The following FAM184A variants were observed in gnomAD, a reference collection of about 807,000 sequenced individuals.
FAM184A encodes the protein family with sequence similarity 184 member A, also known as protein FAM184A.
Under a neutral mutation model 143.8 loss-of-function variants are expected in FAM184A, and 99 were observed. The ratio of observed to expected loss-of-function variants is 0.69; its 90% CI spans 0.58 to 0.81. The LOEUF (loss-of-function observed/expected upper bound fraction) is 0.81, where lower values mean the gene tolerates loss of function less well. Among genes scored for constraint, FAM184A ranks in the 40% least tolerant of loss-of-function variants. The probability of loss-of-function intolerance (pLI) is 0.00; values close to 1 mark genes in which losing one functional copy is unlikely to be tolerated. For missense variants in FAM184A, 1,217 were observed against 1,310.5 expected (o/e 0.93, Z 1.10); for synonymous variants, 427 against 446.4 (o/e 0.96, Z 0.55).
intron 1 of FAM184A, among the ~76,000 whole-genome samples, chr6:119,048,369 G>T (rs1221323951): frequency 3.3e-5 from 5 of 152,206 alleles, no homozygotes; most frequent in African/African-American, 1.2e-4. Context: ...AGAATTGGAA[G>T]TCTTAGCCAG....
chr6:118,999,209 G>A (rs181792006), intron 9 of FAM184A, among the ~76,000 whole-genome samples: 31 of 152,128 alleles, frequency 2.0e-4, no homozygotes, highest in African/African-American at 7.2e-4. Flanking sequence ...GGGAGCTGGC[G>A]GTACATGGTA....
At chr6:119,037,821 A>G (rs1786169123) in intron 1 of FAM184A, among the ~76,000 whole-genome samples, 1 of 152,190 alleles carries the variant, frequency 6.6e-6, no homozygotes, top group Admixed American at 6.5e-5. Flanking sequence ...GAAGTCAAAA[A>G]CTACCTTTTT....
intron 1 of FAM184A, among the ~76,000 whole-genome samples, chr6:119,148,068 C>T (rs1283542748): frequency 6.6e-6 from 1 of 152,196 alleles, no homozygotes; most frequent in African/African-American, 2.4e-5. Flanking sequence ...AACCTATAAC[C>T]TGCTTACTGT....
intron 1 of FAM184A, among the ~76,000 whole-genome samples, chr6:119,067,383 A>G (rs928319691): frequency 2.0e-5 from 3 of 152,346 alleles, no homozygotes; most frequent in Non-Finnish European, 4.4e-5. Flanking sequence ...AGGAGCTAAG[A>G]AAACAGCAGA....
chr6:118,990,221 TTAAGG>T (rs1784333863), intron 9 of FAM184A, among the ~76,000 whole-genome samples: 1 of 152,230 alleles, frequency 6.6e-6, no homozygotes, highest in South Asian at 2.1e-4. Context: ...TTTTCACTCT[TTAAGG>T]TGTCATCAGA....
At chr6:118,970,022 G>T (rs1307996444) in intron 14 of FAM184A, among the ~76,000 whole-genome samples, 77 of 17,842 alleles carry the variant, frequency 4.3e-3, no homozygotes, top group East Asian at 9.1e-3. Flanking sequence ...TTTTTTTTTT[G>T]AGATGGAGTT....
chr6:119,146,023 G>A (rs1051250153), intron 1 of FAM184A, among the ~76,000 whole-genome samples: 2 of 152,188 alleles, frequency 1.3e-5, no homozygotes, highest in African/African-American at 4.8e-5. Flanking sequence ...TGTGGCACTA[G>A]TACCACTAGC....
intron 14 of FAM184A, among the ~76,000 whole-genome samples, chr6:118,969,993 A>ATAATATATATATATATATATAT (rs1189865476): frequency 4.1e-5 from 1 of 24,382 alleles, no homozygotes; most frequent in African/African-American, 1.4e-4. Context: ...ATATATATAT[A>ATAATATATATATATATATATAT]ATATATATAT....
intron 1 of FAM184A, among the ~76,000 whole-genome samples, chr6:119,043,316 AT>A (rs975409042): frequency 2.6e-5 from 4 of 152,258 alleles, no homozygotes; most frequent in Admixed American, 2.6e-4. Context: ...AGAAGGTCAC[AT>A]AAGTGGGTAA....
chr6:119,065,338 A>C (rs960891682), intron 1 of FAM184A, among the ~76,000 whole-genome samples: 1 of 152,040 alleles, frequency 6.6e-6, no homozygotes, highest in Admixed American at 6.6e-5. Context: ...GCCCTAGTCA[A>C]CTCTTTACAG....
At chr6:119,112,165 C>A (rs541538302) in intron 1 of FAM184A, among the ~76,000 whole-genome samples, 49 of 149,988 alleles carry the variant, frequency 3.3e-4, no homozygotes, top group African/African-American at 1.2e-3. Context: ...TAGTTTCACT[C>A]TTGTTGCCCA....
At chr6:119,099,160 G>A (rs545572827) in intron 1 of FAM184A, among the ~76,000 whole-genome samples, 13 of 152,188 alleles carry the variant, frequency 8.5e-5, no homozygotes, top group Admixed American at 2.6e-4. Flanking sequence ...CCGGAGGGGC[G>A]CACACCTGAA....
At chr6:119,039,908 C>T (rs1786257427) in intron 1 of FAM184A, among the ~76,000 whole-genome samples, 1 of 152,188 alleles carries the variant, frequency 6.6e-6, no homozygotes, top group Admixed American at 6.5e-5. Context: ...GTACGCTACA[C>T]TGGAAAAAGG....
chr6:118,991,735 G>C (rs2114612350), intron 9 of FAM184A, among the ~76,000 whole-genome samples: 1 of 148,224 alleles, frequency 6.7e-6, no homozygotes, highest in South Asian at 2.2e-4. Flanking sequence ...GATTCAATGG[G>C]GTGCCCCTGA....
At chr6:119,144,152 C>T (rs1471819163) in intron 1 of FAM184A, among the ~76,000 whole-genome samples, 2 of 131,814 alleles carry the variant, frequency 1.5e-5, no homozygotes. Context: ...GCAGTGAAAC[C>T]CTGTCTCTAC....
At chr6:119,068,767 C>T (rs1219630023) in intron 1 of FAM184A, among the ~76,000 whole-genome samples, 1 of 152,076 alleles carries the variant, frequency 6.6e-6, no homozygotes, top group African/African-American at 2.4e-5. Context: ...ACCCGCTCTA[C>T]CCCCCAGCCA....
At chr6:118,960,993 A>T (rs1783305344) in intron 17 of FAM184A, 1 of 309,066 alleles carries the variant, frequency 3.2e-6, no homozygotes, top group East Asian at 1.0e-4. Context: ...GTCACTAATC[A>T]CTTAGCCTAA....
intron 1 of FAM184A, chr6:119,057,848 T>C (rs796479656): frequency 1.3e-5 from 2 of 151,026 alleles, no homozygotes; most frequent in African/African-American, 4.9e-5. Flanking sequence ...TCTGTGTTTT[T>C]TTTTTTTTTT....
At chr6:118,969,993 A>AAAATATATATATATATATATATAT (rs1554264562) in intron 14 of FAM184A, among the ~76,000 whole-genome samples, 9 of 24,386 alleles carry the variant, frequency 3.7e-4, no homozygotes, top group African/African-American at 8.6e-4. Flanking sequence ...ATATATATAT[A>AAAATATATATATATATATATATAT]ATATATATAT....
Sources: gnomAD v4.1 joint callset for allele counts (sites outside exome capture counted in the v4.1 genomes callset) on GRCh38, gnomAD v4.1.1 for gene constraint, MANE v1.5 for transcripts, NCBI Gene and HGNC (gene_info 2026-07-23, HGNC 2026-07-21) for gene names.